The following FAM13A variants were observed in gnomAD, a reference collection of about 807,000 sequenced individuals.
FAM13A encodes protein FAM13A.
FAM13A carries 76 observed loss-of-function variants against 129.6 expected under a neutral mutation model. The observed-to-expected ratio is 0.59, with a 90% CI of 0.49 to 0.71. FAM13A has a LOEUF of 0.71. FAM13A is among the 30% of genes least tolerant of loss of function. The pLI, the probability that FAM13A is intolerant of heterozygous loss-of-function variation, is 0.00. For missense variants in FAM13A, 1,108 were observed against 1,249.3 expected (o/e 0.89, Z 1.70); for synonymous variants, 443 against 449.9 (o/e 0.98, Z 0.20).
intron 23 of FAM13A, among the ~76,000 whole-genome samples, chr4:88,730,277 C>T (rs1172453853): frequency 6.6e-6 from 1 of 152,232 alleles, no homozygotes; most frequent in African/African-American, 2.4e-5. Context: ...CAGGCTCCTA[C>T]TGTGACTTTC....
chr4:88,938,343 T>C, intron 4 of FAM13A, 102 bp from the exon 5 acceptor site: 1 of 840,406 alleles, frequency 1.2e-6, no homozygotes, highest in Non-Finnish European at 1.8e-6. Context: ...TAATTAGCCT[T>C]ATAGGGATGC....
At chr4:88,903,850 C>T (rs112405684) in intron 6 of FAM13A, among the ~76,000 whole-genome samples, 271 of 151,972 alleles carry the variant, frequency 1.8e-3, no homozygotes, top group African/African-American at 5.8e-3. Context: ...ACCTGCAGAA[C>T]GGGAGAAAAT....
chr4:88,978,283 A>C (rs1165616074), intron 4 of FAM13A, among the ~76,000 whole-genome samples: 1 of 152,228 alleles, frequency 6.6e-6, no homozygotes, highest in Non-Finnish European at 1.5e-5. Context: ...TCAGTTTTTT[A>C]ATCTTTAAAA....
chr4:88,750,500 C>T lies in FAM13A; in HGVS notation c.1864G>A (p.Ala622Thr), dbSNP rs771785728. 1.4e-5 allele frequency: 23 copies of T among 1,613,996 alleles called. No homozygotes were observed. The East Asian group carries it at 3.1e-4, about 22-fold the overall frequency. ...SDPMLSPRFY[A>T]YGQSRQYLDD... ...AGGTATTGCCTGCTCTGCCCATAAG[C>T]GTAGAACCGAGGAGAGAGCATGGGG... Residue 622 changes from alanine to threonine, a missense_variant, in exon 15 of 24, where the codon GCT becomes ACT. Transcript: ENST00000264344.
intron 8 of FAM13A, among the ~76,000 whole-genome samples, chr4:88,799,595 C>T (rs188739905): frequency 2.2e-4 from 33 of 152,312 alleles, no homozygotes; most frequent in Admixed American, 3.9e-4. Context: ...GGGGATTCCC[C>T]TGTCTCAGCC....
chr4:88,889,733 G>A (rs1745038123), intron 6 of FAM13A, among the ~76,000 whole-genome samples: 1 of 152,132 alleles, frequency 6.6e-6, no homozygotes, highest in Non-Finnish European at 1.5e-5. Context: ...GTCCATTTCA[G>A]AGGGCATGTT....
chr4:88,905,205 C>T (rs917127614), intron 6 of FAM13A, among the ~76,000 whole-genome samples: 10 of 151,948 alleles, frequency 6.6e-5, no homozygotes, highest in East Asian at 1.9e-4. Flanking sequence ...TGTCGCAGCT[C>T]GCTGCGACCT....
chr4:88,945,988 G>GTGTGTGTGTGTATA, intron 4 of FAM13A, among the ~76,000 whole-genome samples: 1 of 13,674 alleles, frequency 7.3e-5, no homozygotes, highest in Non-Finnish European at 1.3e-4. Context: ...GTGTGTGTGT[G>GTGTGTGTGTGTATA]TGTATATATA....
Position 89,057,086 on chromosome 4 carries a change from G to C in FAM13A, c.-122C>G, listed in dbSNP as rs1359962102. 7.2e-6 allele frequency: 11 copies of C among 1,527,262 alleles called. No homozygotes were observed. The East Asian group carries it at 2.6e-4, about 36-fold the overall frequency. The allele number at this position is 1,527,262 out of a possible 1,614,324, so 94.6% of individuals were successfully genotyped here. A position where few individuals can be genotyped will look rare whatever the true frequency, so the allele number is the denominator to read the frequency against. ...TGTGAAAAACAGCTCCCAATGCAAAGGCCCCAAGGTAAGCGAAGAGCAGCT... is the reference window on the plus strand; with the variant it reads ...TGTGAAAAACAGCTCCCAATGCAAACGCCCCAAGGTAAGCGAAGAGCAGCT... On this transcript the variant is annotated 5_prime_UTR_variant, in exon 1 of 24. Coordinates refer to ENST00000264344, the MANE Select transcript of FAM13A (RefSeq NM_014883.4).
chr4:88,890,607 A>C (rs1267736968), intron 6 of FAM13A, among the ~76,000 whole-genome samples: 2 of 152,248 alleles, frequency 1.3e-5, no homozygotes, highest in Non-Finnish European at 2.9e-5. Context: ...GACAGAAAAA[A>C]ACAAAGATCT....
chr4:88,728,551 A>G lies in FAM13A; in HGVS notation c.3054T>C (p.Thr1018=). 1.2e-6 allele frequency: 2 copies of G among 1,614,164 alleles called. No individual in the cohort carries two copies. The highest frequency in any genetic ancestry group is 8.5e-7 in the Non-Finnish European group (1 of 1,180,002). The change falls in exon 24 of 24, where the codon ACT becomes ACC. Residue 1018 remains threonine, a synonymous_variant. Transcript: ENST00000264344. The part of the protein sequence containing the change: ...LLEVLISKRD[T]DSKSM Reference sequence around the variant, plus strand: ...ATGCCCCTCACATGGACTTGGAATCAGTGTCTCTCTTGCTGATGAGCACCT... The same window carrying G: ...ATGCCCCTCACATGGACTTGGAATCGGTGTCTCTCTTGCTGATGAGCACCT...
chr4:88,984,079 G>A (rs1040390143), intron 4 of FAM13A, among the ~76,000 whole-genome samples: 1 of 152,122 alleles, frequency 6.6e-6, no homozygotes, highest in Non-Finnish European at 1.5e-5. Flanking sequence ...AAATGATGCT[G>A]GGACAACTGG....
intron 5 of FAM13A, among the ~76,000 whole-genome samples, chr4:88,925,711 T>C (rs1228220634): frequency 6.7e-6 from 1 of 150,244 alleles, no homozygotes; most frequent in Non-Finnish European, 1.5e-5. Flanking sequence ...AAATAAAAAA[T>C]AAATAAAAAT....
At chr4:88,791,512 T>C (rs1371869119) in intron 8 of FAM13A, among the ~76,000 whole-genome samples, 1 of 152,092 alleles carries the variant, frequency 6.6e-6, no homozygotes, top group Non-Finnish European at 1.5e-5. Context: ...TTAGTTGGCT[T>C]GTGAATCAAG....
At position 88,850,281 on chromosome 4, in the gene FAM13A, G is replaced by T. The variant is rs1578950258; in HGVS notation, c.1007+739C>A. Reference sequence around the variant, plus strand: ...TATTTTAAGAAAATTGTGGCCGGGCGTGGTGGCTCATGCCTGTAATCCCAG... The same window carrying T: ...TATTTTAAGAAAATTGTGGCCGGGCTTGGTGGCTCATGCCTGTAATCCCAG... On this transcript the variant is annotated intron_variant, in intron 7 of 23. Transcript: ENST00000264344. Among the ~76,000 whole-genome samples, 3 of 152,044 alleles carry T rather than the reference G, an allele frequency of 2.0e-5. No individual in the cohort carries two copies. The South Asian group carries it at 6.2e-4, about 32-fold the overall frequency.
chr4:88,913,520 G>A (rs1437958924), intron 5 of FAM13A, among the ~76,000 whole-genome samples: 2 of 149,034 alleles, frequency 1.3e-5, no homozygotes, highest in East Asian at 4.0e-4. Flanking sequence ...AAGAAGAGGA[G>A]GAGGAGGAAG....
chr4:88,993,727 G>C (rs1020317453), intron 3 of FAM13A, among the ~76,000 whole-genome samples: 1 of 152,098 alleles, frequency 6.6e-6, no homozygotes, highest in East Asian at 1.9e-4. Context: ...GCGGCTGGGC[G>C]CGGCAGCTCA....
chr4:88,756,221 A>G (rs1560905065), intron 14 of FAM13A, among the ~76,000 whole-genome samples: 1 of 152,260 alleles, frequency 6.6e-6, no homozygotes, highest in Non-Finnish European at 1.5e-5. Context: ...ATATTTAAAA[A>G]GGATAAAGTA....
intron 7 of FAM13A, among the ~76,000 whole-genome samples, chr4:88,850,586 G>A (rs1038332564): frequency 8.6e-5 from 13 of 151,930 alleles, no homozygotes; most frequent in Middle Eastern, 3.4e-3. Context: ...TTTTTTCTTC[G>A]AGTATACCAG....
Sources: allele counts gnomAD v4.1 joint callset (sites outside exome capture counted in the v4.1 genomes callset), GRCh38; gene constraint gnomAD v4.1.1; transcripts MANE v1.5; gene names NCBI Gene and HGNC (gene_info 2026-07-23, HGNC 2026-07-21).